Variants in HCN1 observed in about 807,000 individuals in gnomAD.
The protein encoded by HCN1 is hyperpolarization activated cyclic nucleotide gated potassium channel 1, also known as potassium/sodium hyperpolarization-activated cyclic nucleotide-gated channel 1.
Under a neutral mutation model 78.9 loss-of-function variants are expected in HCN1, and 13 were observed. The ratio of observed to expected loss-of-function variants is 0.16; its 90% CI spans 0.11 to 0.26. The LOEUF (loss-of-function observed/expected upper bound fraction) is 0.26. Among genes scored for constraint, HCN1 ranks in the 10% least tolerant of loss-of-function variants. HCN1 has a pLI of 1.00. For synonymous variants in HCN1, 552 were observed against 455.5 expected, an observed-to-expected ratio of 1.21 and a Z score of -2.70; for missense variants, 810 against 1,154.3, an observed-to-expected ratio of 0.70 and a Z score of 4.32.
intron 4 of HCN1, among the ~76,000 whole-genome samples, chr5:45,375,123 T>G (rs1385622296): frequency 2.5e-5 from 3 of 121,948 alleles, no homozygotes; most frequent in South Asian, 2.2e-4. Context: ...TAATATATTA[T>G]ATATAATATA....
At chr5:45,398,431 AT>A (rs1156677030) in intron 3 of HCN1, among the ~76,000 whole-genome samples, 1 of 152,090 alleles carries the variant, frequency 6.6e-6, no homozygotes, top group African/African-American at 2.4e-5. Context: ...AAGTGTACTC[AT>A]TTGTGTGCCT....
intron 2 of HCN1, among the ~76,000 whole-genome samples, chr5:45,571,134 G>C (rs1380068616): frequency 6.6e-6 from 1 of 151,998 alleles, no homozygotes; most frequent in African/African-American, 2.4e-5. Flanking sequence ...CCTCTAGCAG[G>C]CATAATAGAT....
chr5:45,477,383 T>C (rs1020130515), intron 2 of HCN1, among the ~76,000 whole-genome samples: 43 of 152,062 alleles, frequency 2.8e-4, no homozygotes, highest in African/African-American at 9.4e-4. Flanking sequence ...CAAACTAAAG[T>C]ACCTAAAAAT....
At chr5:45,595,419 C>A (rs768382896) in intron 2 of HCN1, among the ~76,000 whole-genome samples, 1 of 152,132 alleles carries the variant, frequency 6.6e-6, no homozygotes, top group Admixed American at 6.5e-5. Context: ...CTCACTGCAA[C>A]TTCCACCTCC....
rs1423413980 is a variant in HCN1 at position 45,255,858 on chromosome 5, A to G, written c.*6063T>C. ...CTCTACACATCTGAATATTCTCTGT[A>G]GAAAACGATGCAACCTGTTTTTTTG... On this transcript the variant is annotated 3_prime_UTR_variant, in exon 8 of 8. Transcript: ENST00000303230. 1 of 151,428 alleles carries G rather than the reference A, an allele frequency of 6.6e-6. No homozygotes were observed. The highest frequency in any genetic ancestry group is 1.5e-5 in the Non-Finnish European group (1 of 67,844). The allele number at this position is 151,428 out of a possible 1,614,324, so 9.4% of individuals were successfully genotyped here.
Position 45,645,121 on chromosome 5 carries a change from T to C in HCN1, c.849+64A>G, listed in dbSNP as rs1012926425. On this transcript the variant is annotated intron_variant, in intron 2 of 7. Coordinates refer to ENST00000303230, the MANE Select transcript of HCN1 (RefSeq NM_021072.4). ...CATTACACATTGCACAGTTGTTCAT[T>C]GTAAAACAGCCATAATTAACAATTT... 9 of 1,260,050 alleles carry C rather than the reference T, an allele frequency of 7.1e-6. No homozygotes were observed. In the African/African-American group the frequency reaches 9.0e-5, roughly 13 times the overall value. The allele number at this position is 1,260,050 out of a possible 1,614,324, so 78.1% of individuals were successfully genotyped here. A position where few individuals can be genotyped will look rare whatever the true frequency, so the allele number is the denominator to read the frequency against.
intron 1 of HCN1, among the ~76,000 whole-genome samples, chr5:45,692,009 G>A (rs779361862): frequency 5.3e-5 from 8 of 152,164 alleles, no homozygotes; most frequent in African/African-American, 1.2e-4. Flanking sequence ...AACTGCCTCC[G>A]TTATGAGGAG....
intron 2 of HCN1, among the ~76,000 whole-genome samples, chr5:45,620,806 C>T (rs763324959): frequency 3.9e-5 from 6 of 152,106 alleles, no homozygotes; most frequent in Non-Finnish European, 7.4e-5. Flanking sequence ...CTGTATCTGA[C>T]AAGTCTACAG....
chr5:45,422,524 A>T (rs75889161), intron 3 of HCN1, among the ~76,000 whole-genome samples: 354 of 152,294 alleles, frequency 2.3e-3, no homozygotes, highest in African/African-American at 7.9e-3. Flanking sequence ...CATTGCTTTG[A>T]AGATTAGGAC....
chr5:45,405,758 CT>C (rs1320014710), intron 3 of HCN1, among the ~76,000 whole-genome samples: 1 of 152,104 alleles, frequency 6.6e-6, no homozygotes, highest in Non-Finnish European at 1.5e-5. Context: ...GTTTGTACCT[CT>C]GATAACAACC....
At chr5:45,265,313 G>T (rs1441923259) in intron 7 of HCN1, among the ~76,000 whole-genome samples, 1 of 152,130 alleles carries the variant, frequency 6.6e-6, no homozygotes, top group Admixed American at 6.5e-5. Flanking sequence ...GCTGGTTTAG[G>T]AAGAAACTCA....
At chr5:45,285,592 T>G (rs999239699) in intron 6 of HCN1, among the ~76,000 whole-genome samples, 1 of 151,994 alleles carries the variant, frequency 6.6e-6, no homozygotes, top group Admixed American at 6.6e-5. Context: ...TTTGGCATCT[T>G]ATTCATTTTC....
chr5:45,473,187 T>C (rs1216829032), intron 2 of HCN1, among the ~76,000 whole-genome samples: 2 of 151,974 alleles, frequency 1.3e-5, no homozygotes, highest in Non-Finnish European at 2.9e-5. Flanking sequence ...TTTGTTCCAA[T>C]ATTAACTGAC....
At chr5:45,287,950 A>G (rs1745301146) in intron 6 of HCN1, among the ~76,000 whole-genome samples, 1 of 152,070 alleles carries the variant, frequency 6.6e-6, no homozygotes. Flanking sequence ...TGCTCTAAGT[A>G]TTTTAGAAAT....
intron 4 of HCN1, among the ~76,000 whole-genome samples, chr5:45,389,368 T>TA (rs977791458): frequency 2.6e-5 from 4 of 152,238 alleles, no homozygotes; most frequent in African/African-American, 9.6e-5. Context: ...ATGAATCAAG[T>TA]AAAAAATCTT....
chr5:45,650,210 CTTAGAG>C (rs1244574531), intron 1 of HCN1, among the ~76,000 whole-genome samples: 2 of 152,054 alleles, frequency 1.3e-5, no homozygotes, highest in Admixed American at 6.6e-5. Flanking sequence ...TTCTACTACT[CTTAGAG>C]TTACTCTGTG....
At chr5:45,352,956 G>A in intron 5 of HCN1, 144 bp downstream of exon 5, 1 of 652,988 alleles carries the variant, frequency 1.5e-6, no homozygotes, top group Non-Finnish European at 2.7e-6. Context: ...AGCTTATGTA[G>A]GTGAGAAGCT....
Position 45,695,839 on chromosome 5 carries a change from C to T in HCN1, c.255G>A (p.Glu85=), listed in dbSNP as rs868228427. ...TGAAGCCGTACTGCCGCCGGGGCCC[C>T]TCGGCGTCTTCGAAGCCCCCCGCCG... The part of the protein sequence containing the change: ...EEPAGGFEDA[E]GPRRQYGFMQ... Residue 85 remains glutamate (E), a synonymous_variant, in exon 1 of 8, where the codon GAG becomes GAA. Coordinates refer to ENST00000303230, the MANE Select transcript of HCN1 (RefSeq NM_021072.4). 8.1e-6 allele frequency: 13 copies of T among 1,601,552 alleles called. No individual in the cohort carries two copies. In the Middle Eastern group the frequency reaches 2.0e-3, roughly 246 times the overall value.
Position 45,396,672 on chromosome 5 carries a change from G to A in HCN1, c.1050C>T (p.Phe350=), listed in dbSNP as rs756659935. ...SWGKQYSYAL[F]KAMSHMLCIG... ...TGCACAGCATGTGACTCATAGCTTT[G>A]AAGAGTGCGTATGAATACTGCTTTC... Residue 350 remains phenylalanine (F), a synonymous_variant, in exon 4 of 8, where the codon TTC becomes TTT. Coordinates refer to ENST00000303230, the MANE Select transcript of HCN1 (RefSeq NM_021072.4). 4.3e-6 allele frequency: 7 copies of A among 1,613,864 alleles called. No individual in the cohort carries two copies. The highest frequency in any genetic ancestry group is 1.1e-5 in the South Asian group (1 of 91,080).
Sources: allele counts gnomAD v4.1 joint callset (sites outside exome capture counted in the v4.1 genomes callset), GRCh38; gene constraint gnomAD v4.1.1; transcripts MANE v1.5; gene names NCBI Gene and HGNC (gene_info 2026-07-23, HGNC 2026-07-21).